ARID1B: variants seen among roughly 807,000 people sequenced by gnomAD.
The protein encoded by ARID1B is AT-rich interaction domain 1B.
ARID1B carries 30 observed loss-of-function variants against 212.3 expected under a neutral mutation model. That is an observed-to-expected ratio of 0.14 (90% CI 0.11 to 0.19). The LOEUF is 0.19. Among genes scored for constraint, ARID1B ranks in the 10% least tolerant of loss-of-function variants. The probability of loss-of-function intolerance (pLI) is 1.00; values close to 1 mark genes in which losing one functional copy is unlikely to be tolerated. For missense variants in ARID1B, 2,891 were observed against 3,204.0 expected, an observed-to-expected ratio of 0.90 and a Z score of 2.36; for synonymous variants, 1,402 against 1,301.7, an observed-to-expected ratio of 1.08 and a Z score of -1.66.
chr6:157,087,079 G>A lies in ARID1B; in HGVS notation c.2491+2174G>A, dbSNP rs897871378. ...TGTACTATTCCAAGTCAGCTCCTCT[G>A]TAGCCGACCTCTATATGGTGCTTGG... On this transcript the variant is annotated intron_variant, in intron 5 of 19. Transcript: ENST00000636930. Among the ~76,000 whole-genome samples, 11 of 152,262 alleles carry A rather than the reference G, an allele frequency of 7.2e-5. No homozygotes were observed. The South Asian group carries it at 8.3e-4, about 11-fold the overall frequency.
At chr6:157,130,644 A>G (rs1242180436) in intron 6 of ARID1B, among the ~76,000 whole-genome samples, 2 of 152,264 alleles carry the variant, frequency 1.3e-5, no homozygotes, top group East Asian at 3.8e-4. Flanking sequence ...CTCTTTAAAC[A>G]GAAGCAATGT....
chr6:156,867,077 C>A (rs1785753761), intron 2 of ARID1B, among the ~76,000 whole-genome samples: 1 of 152,192 alleles, frequency 6.6e-6, no homozygotes, highest in Non-Finnish European at 1.5e-5. Flanking sequence ...TCTTCTGTGA[C>A]CTGTCTTTCA....
intron 4 of ARID1B, among the ~76,000 whole-genome samples, chr6:156,960,119 C>T (rs188876088): frequency 6.6e-6 from 1 of 151,860 alleles, no homozygotes; most frequent in Non-Finnish European, 1.5e-5. Context: ...TTAGTAGAGA[C>T]GGGGTTTCAC....
rs143734523 is a variant in ARID1B, at chr6:156,968,609, T to C, written c.2247+33033T>C. ...GTACATGCTTTTAGAAATACCCATA[T>C]GTGAATGGAGTATCACCCGGAGTCT... On this transcript the variant is annotated intron_variant, in intron 4 of 19. Coordinates refer to ENST00000636930, the MANE Select transcript of ARID1B (RefSeq NM_001374828.1). Among the ~76,000 whole-genome samples, 673 of 152,372 alleles carry C rather than the reference T, an allele frequency of 4.4e-3. 4 individuals carry two copies. Among genetic ancestry groups the C allele is most frequent in the African/African-American group, 0.015 (643 of 41,600 alleles).
intron 5 of ARID1B, among the ~76,000 whole-genome samples, chr6:157,101,019 T>TAA (rs1786015797): frequency 6.6e-6 from 1 of 152,210 alleles, no homozygotes; most frequent in Non-Finnish European, 1.5e-5. Context: ...TATTCTACTT[T>TAA]AAAGATTTGA....
At chr6:157,022,793 C>G (rs771907088) in intron 4 of ARID1B, 14 of 152,138 alleles carry the variant, frequency 9.2e-5, no homozygotes, top group Admixed American at 2.0e-4. Flanking sequence ...CTCAAAGCAA[C>G]TTAATTTTGG....
At chr6:156,780,310 T>G (rs1270930367) in intron 1 of ARID1B, 2 of 152,230 alleles carry the variant, frequency 1.3e-5, no homozygotes, top group Non-Finnish European at 2.9e-5. Flanking sequence ...TCCAGTAAGA[T>G]AGCAGACCAG....
intron 4 of ARID1B, among the ~76,000 whole-genome samples, chr6:157,062,557 A>G (rs894826515): frequency 2.6e-5 from 4 of 151,950 alleles, no homozygotes; most frequent in African/African-American, 9.7e-5. Context: ...TTTCCCTTGT[A>G]TATTCATAGA....
At chr6:157,189,956 A>C in intron 14 of ARID1B, 82 bp from the exon 15 acceptor site, 1 of 1,586,078 alleles carries the variant, frequency 6.3e-7, no homozygotes, top group African/African-American at 1.4e-5. Flanking sequence ...TGCACATTTC[A>C]AGATGGGTTC....
At chr6:156,864,267 C>T (rs571444913) in intron 2 of ARID1B, among the ~76,000 whole-genome samples, 2 of 152,254 alleles carry the variant, frequency 1.3e-5, no homozygotes, top group African/African-American at 4.8e-5. Flanking sequence ...AATCTTGCAG[C>T]CCTCTGAGTG....
chr6:157,074,032 G>A (rs182718724), intron 4 of ARID1B, among the ~76,000 whole-genome samples: 318 of 152,242 alleles, frequency 2.1e-3, no homozygotes, highest in African/African-American at 7.4e-3. Context: ...TCCAGAGCCC[G>A]AATTCTATTG....
At chr6:156,796,204 T>G (rs912011850) in intron 1 of ARID1B, among the ~76,000 whole-genome samples, 1 of 152,208 alleles carries the variant, frequency 6.6e-6, no homozygotes, top group Non-Finnish European at 1.5e-5. Context: ...TCATCTTGCT[T>G]TATTGTTTAT....
chr6:156,951,590 C>T (rs1181045487), intron 4 of ARID1B, among the ~76,000 whole-genome samples: 5 of 151,870 alleles, frequency 3.3e-5, no homozygotes, highest in Admixed American at 3.3e-4. Context: ...ACTACAGGCG[C>T]CCGCCACCAC....
chr6:156,887,473 T>C (rs996578644), intron 2 of ARID1B, among the ~76,000 whole-genome samples: 1 of 152,222 alleles, frequency 6.6e-6, no homozygotes, highest in African/African-American at 2.4e-5. Flanking sequence ...GATTAATGAG[T>C]ACATTTTCTC....
intron 1 of ARID1B, among the ~76,000 whole-genome samples, chr6:156,828,691 C>T (rs1334011235): frequency 6.6e-6 from 1 of 152,240 alleles, no homozygotes; most frequent in Non-Finnish European, 1.5e-5. Flanking sequence ...GGTCTCTGAA[C>T]AAAATCTTTA....
At chr6:156,999,913 A>G (rs1434314829) in intron 4 of ARID1B, among the ~76,000 whole-genome samples, 3 of 152,232 alleles carry the variant, frequency 2.0e-5, no homozygotes, top group Admixed American at 6.5e-5. Context: ...CTAGAAGAGA[A>G]AGACAACCAA....
intron 1 of ARID1B, among the ~76,000 whole-genome samples, chr6:156,779,980 C>T (rs889510890): frequency 6.6e-6 from 1 of 152,152 alleles, no homozygotes; most frequent in Non-Finnish European, 1.5e-5. Context: ...TTCCGAGGTC[C>T]AGGCAGGGAA....
intron 2 of ARID1B, among the ~76,000 whole-genome samples, chr6:156,854,682 A>G (rs1404146334): frequency 2.0e-5 from 3 of 152,252 alleles, no homozygotes; most frequent in Non-Finnish European, 4.4e-5. Flanking sequence ...CCATCCTGCC[A>G]CGCGGAATTG....
intron 1 of ARID1B, among the ~76,000 whole-genome samples, chr6:156,816,375 G>A (rs1436759077): frequency 6.6e-6 from 1 of 152,090 alleles, no homozygotes; most frequent in Non-Finnish European, 1.5e-5. Context: ...GATGCACTTG[G>A]GTTTCTTTAA....
Sources: gnomAD v4.1 joint callset for allele counts (sites outside exome capture counted in the v4.1 genomes callset) on GRCh38, gnomAD v4.1.1 for gene constraint, MANE v1.5 for transcripts, NCBI Gene and HGNC (gene_info 2026-07-23, HGNC 2026-07-21) for gene names.